Variants in SAMD12 observed in about 807,000 individuals in gnomAD.
SAMD12 encodes sterile alpha motif domain containing 12.
A neutral mutation model predicts 15.0 loss-of-function variants in SAMD12; 9 were observed. That is an observed-to-expected ratio of 0.60 (90% confidence interval 0.36 to 1.05). The LOEUF is 1.05. Ranked by LOEUF, SAMD12 falls within the 50% of genes least tolerant of loss-of-function variation. The pLI is 0.01. For missense variants in SAMD12, 230 were observed against 234.2 expected, an observed-to-expected ratio of 0.98 and a Z score of 0.12; for synonymous variants, 86 against 90.1, an observed-to-expected ratio of 0.96 and a Z score of 0.25.
At chr8:118,346,678 A>AT (rs1817677670) in intron 4 of SAMD12, among the ~76,000 whole-genome samples, 1 of 152,234 alleles carries the variant, frequency 6.6e-6, no homozygotes, top group African/African-American at 2.4e-5. Context: ...AGGACTCAGC[A>AT]TATAGTTGTA....
intron 2 of SAMD12, among the ~76,000 whole-genome samples, chr8:118,571,785 C>T (rs989832513): frequency 1.3e-5 from 2 of 152,164 alleles, no homozygotes; most frequent in African/African-American, 4.8e-5. Context: ...CCTGGATGTT[C>T]AGGCAGAAGT....
chr8:118,488,132 A>G (rs927117604), intron 2 of SAMD12, among the ~76,000 whole-genome samples: 2 of 152,184 alleles, frequency 1.3e-5, no homozygotes, highest in Non-Finnish European at 2.9e-5. Flanking sequence ...ACCATTATCA[A>G]TAATGATGAG....
intron 4 of SAMD12, among the ~76,000 whole-genome samples, chr8:118,359,638 T>C (rs1006711334): frequency 3.3e-5 from 5 of 152,214 alleles, no homozygotes; most frequent in African/African-American, 1.2e-4. Context: ...TCACTTCTTA[T>C]ACTGTGTGAC....
intron 2 of SAMD12, among the ~76,000 whole-genome samples, chr8:118,494,518 T>C (rs1387538003): frequency 6.6e-6 from 1 of 152,234 alleles, no homozygotes; most frequent in African/African-American, 2.4e-5. Context: ...GGGCATTCCC[T>C]ACTGTCTTCA....
intron 2 of SAMD12, among the ~76,000 whole-genome samples, chr8:118,456,803 C>T (rs551403468): frequency 6.6e-6 from 1 of 152,158 alleles, no homozygotes; most frequent in Non-Finnish European, 1.5e-5. Context: ...ACAAAAGAAG[C>T]CTTTCTGTCA....
the SAMD12 span, among the ~76,000 whole-genome samples, chr8:118,159,340 GC>G: frequency 6.6e-6 from 1 of 152,164 alleles, no homozygotes; most frequent in Non-Finnish European, 1.5e-5. Context: ...GCCTGGACCT[GC>G]CTGCCCCACC....
intron 2 of SAMD12, among the ~76,000 whole-genome samples, chr8:118,526,502 G>A (rs1825542170): frequency 6.6e-6 from 1 of 152,056 alleles, no homozygotes; most frequent in Non-Finnish European, 1.5e-5. Flanking sequence ...AGGTGATTCT[G>A]ATGCAGTCAA....
the SAMD12 span, among the ~76,000 whole-genome samples, chr8:118,174,715 C>T: frequency 6.6e-6 from 1 of 151,864 alleles, no homozygotes; most frequent in African/African-American, 2.4e-5. Flanking sequence ...TATTTTTTCC[C>T]CATTTTATAT....
intron 4 of SAMD12, among the ~76,000 whole-genome samples, chr8:118,282,585 G>GGGT (rs1173275945): frequency 9.9e-5 from 15 of 152,130 alleles, no homozygotes; most frequent in African/African-American, 2.9e-4. Flanking sequence ...AGGGGGGCTG[G>GGGT]GGTGGTGGTG....
chr8:118,247,071 G>A (rs1812712819), intron 4 of SAMD12, among the ~76,000 whole-genome samples: 1 of 152,086 alleles, frequency 6.6e-6, no homozygotes, highest in Non-Finnish European at 1.5e-5. Flanking sequence ...CAAGACTGGA[G>A]GCAGGCTTTA....
In SAMD12 at chr8:118,549,575, T is replaced by C. The variant is rs149252314; in HGVS notation, c.192+31140A>G. Among the ~76,000 whole-genome samples the C allele has an allele frequency of 4.3e-3, 653 of 151,862 alleles. 5 individuals carry two copies. Among genetic ancestry groups the C allele is most frequent in the African/African-American group, 0.015 (625 of 41,376 alleles). On this transcript the variant is annotated intron_variant, in intron 2 of 3. Transcript: ENST00000314727. Reference sequence around the variant, plus strand: ...CCAAAAGTAGATAAAACCACAAAGATGGGGAAAAAACAGAGCAGAAAAACT... The same window carrying C: ...CCAAAAGTAGATAAAACCACAAAGACGGGGAAAAAACAGAGCAGAAAAACT...
At chr8:118,216,382 T>C (rs1408851766) in intron 4 of SAMD12, among the ~76,000 whole-genome samples, 1 of 151,780 alleles carries the variant, frequency 6.6e-6, no homozygotes, top group Non-Finnish European at 1.5e-5. Flanking sequence ...GATGAGTAGG[T>C]TGCGAAAATT....
At chr8:118,573,391 C>T (rs1827071741) in intron 2 of SAMD12, among the ~76,000 whole-genome samples, 1 of 152,124 alleles carries the variant, frequency 6.6e-6, no homozygotes, top group Admixed American at 6.6e-5. Flanking sequence ...CAGCCTAAAC[C>T]TCTTTTCTTT....
At chr8:118,439,992 C>CTGG (rs1822692008) in intron 2 of SAMD12, 31 bp from the exon 3 acceptor site, 1 of 1,611,222 alleles carries the variant, frequency 6.2e-7, no homozygotes, top group South Asian at 1.1e-5. Context: ...TCTGTCAATG[C>CTGG]TGGCCCCATG....
chr8:118,616,231 G>T (rs940605234), intron 1 of SAMD12, among the ~76,000 whole-genome samples: 73 of 152,320 alleles, frequency 4.8e-4, no homozygotes, highest in Non-Finnish European at 2.2e-4. Context: ...CATGACATCT[G>T]CTCTGTAGAG....
intron 4 of SAMD12, among the ~76,000 whole-genome samples, chr8:118,217,887 C>A (rs1443095477): frequency 6.6e-6 from 1 of 152,188 alleles, no homozygotes; most frequent in African/African-American, 2.4e-5. Flanking sequence ...ATGTGCTGTT[C>A]CTAATACTTA....
intron 2 of SAMD12, among the ~76,000 whole-genome samples, chr8:118,519,212 T>G (rs1470012388): frequency 6.6e-6 from 1 of 152,174 alleles, no homozygotes; most frequent in Non-Finnish European, 1.5e-5. Flanking sequence ...AGGTCTGTGG[T>G]TCTCTACAAA....
At chr8:118,166,723 G>A in the SAMD12 span, among the ~76,000 whole-genome samples, 2 of 152,170 alleles carry the variant, frequency 1.3e-5, no homozygotes, top group African/African-American at 4.8e-5. Flanking sequence ...TTTAAAAAGT[G>A]TGCACACTAC....
At chr8:118,305,974 CCTA>C (rs1815329796) in intron 4 of SAMD12, among the ~76,000 whole-genome samples, 1 of 152,138 alleles carries the variant, frequency 6.6e-6, no homozygotes, top group Non-Finnish European at 1.5e-5. Flanking sequence ...GGTTCCAGCT[CCTA>C]CTACAACAGT....
Sources: gnomAD v4.1 joint callset for allele counts (sites outside exome capture counted in the v4.1 genomes callset) on GRCh38, gnomAD v4.1.1 for gene constraint, MANE v1.5 for transcripts, NCBI Gene and HGNC (gene_info 2026-07-23, HGNC 2026-07-21) for gene names.